CFAP74: variants seen among roughly 807,000 people sequenced by gnomAD.
CFAP74 encodes cilia- and flagella-associated protein 74.
In CFAP74, 124 loss-of-function variants were observed where a neutral mutation model predicts 188.9. The observed-to-expected ratio is 0.66, with a 90% CI of 0.57 to 0.76. The LOEUF is 0.76. Ranked by LOEUF, CFAP74 falls within the 30% of genes least tolerant of loss-of-function variation. CFAP74 has a pLI of 0.00. For missense variants in CFAP74, 2,198 were observed against 2,165.2 expected, an observed-to-expected ratio of 1.02 and a Z score of -0.30; for synonymous variants, 956 against 916.7, an observed-to-expected ratio of 1.04 and a Z score of -0.77.
chr1:1,953,763 G>A (rs1376748222), intron 18 of CFAP74: 3 of 153,564 alleles, frequency 2.0e-5, no homozygotes, highest in Non-Finnish European at 4.4e-5. Context: ...ACACAAAAGC[G>A]ATGTCCTATG....
rs534813419 is a variant in CFAP74 at position 1,991,474 on chromosome 1, A to G, written c.-19-499T>C. ...CAACATTAGCTGGGTGTGGTGGCGC[A>G]TGCCTATAATCCCAGCTACTCAGGA... On this transcript the variant is annotated intron_variant, in intron 1 of 38. Coordinates refer to ENST00000682832, the MANE Select transcript of CFAP74 (RefSeq NM_001304360.2). Among the ~76,000 whole-genome samples the G allele has an allele frequency of 1.6e-4, 25 of 152,250 alleles. No individual in the cohort carries two copies. In the South Asian group the frequency reaches 2.9e-3, roughly 18 times the overall value.
chr1:1,988,822 A>ACCCCCC (rs1269513983), intron 3 of CFAP74, 67 bp downstream of exon 3: 11 of 162,422 alleles, frequency 6.8e-5, no homozygotes, highest in Middle Eastern at 2.0e-3. Flanking sequence ...CCCTTCACCC[A>ACCCCCC]CCCCCCCACC....
At chr1:1,990,246 C>T (rs1657488753) in intron 2 of CFAP74, among the ~76,000 whole-genome samples, 1 of 152,136 alleles carries the variant, frequency 6.6e-6, no homozygotes, top group African/African-American at 2.4e-5. Flanking sequence ...CTGAAGGTCA[C>T]TATCTCAGAA....
chr1:1,941,115 A>G (rs557459607), intron 22 of CFAP74, among the ~76,000 whole-genome samples: 1 of 152,170 alleles, frequency 6.6e-6, no homozygotes, highest in African/African-American at 2.4e-5. Flanking sequence ...TCTGTCTCAA[A>G]AAAGAAAGAA....
chr1:1,977,208 G>A (rs145621351), intron 6 of CFAP74, among the ~76,000 whole-genome samples: 4 of 152,262 alleles, frequency 2.6e-5, no homozygotes, highest in Admixed American at 6.5e-5. Flanking sequence ...AAAGACTGAC[G>A]AACAATAGCG....
At chr1:1,976,100 C>T (rs910095508) in intron 6 of CFAP74, among the ~76,000 whole-genome samples, 1 of 152,226 alleles carries the variant, frequency 6.6e-6, no homozygotes, top group Admixed American at 6.5e-5. Flanking sequence ...CAGAAAGGCT[C>T]CCTCAAGCCC....
chr1:1,976,544 C>T (rs532716337), intron 6 of CFAP74, among the ~76,000 whole-genome samples: 1 of 152,158 alleles, frequency 6.6e-6, no homozygotes, highest in African/African-American at 2.4e-5. Context: ...CTCTTTTCTT[C>T]TTATTTTTAT....
intron 9 of CFAP74, among the ~76,000 whole-genome samples, chr1:1,971,323 TTGCACACCTGCACACACGTGCACACACA>T (rs1656034946): frequency 9.3e-6 from 1 of 107,172 alleles, no homozygotes; most frequent in Non-Finnish European, 1.9e-5. Flanking sequence ...CTGCAGACAC[TTGCACACCTGCACACACGTGCACACACA>T]TGCACACCTG....
intron 4 of CFAP74, chr1:1,988,216 A>AACACAC (rs1657360235): frequency 3.3e-6 from 2 of 602,442 alleles, no homozygotes; most frequent in South Asian, 3.1e-5. Flanking sequence ...ATAAAATACA[A>AACACAC]ACACACACAA....
chr1:1,959,717 C>G (rs28446828), intron 15 of CFAP74, among the ~76,000 whole-genome samples: 1 of 152,112 alleles, frequency 6.6e-6, no homozygotes, highest in Non-Finnish European at 1.5e-5. Flanking sequence ...CCAGCCCTCC[C>G]GACTTAGACC....
intron 14 of CFAP74, among the ~76,000 whole-genome samples, chr1:1,962,012 G>A (rs932456098): frequency 3.3e-5 from 5 of 152,124 alleles, no homozygotes; most frequent in Non-Finnish European, 5.9e-5. Context: ...GGGGAATGAG[G>A]ATCCTGCCCT....
Position 1,926,978 on chromosome 1 carries a change from G to T in CFAP74, c.3578C>A (p.Ala1193Glu). Reference sequence around the variant, plus strand: ...GGGAACTACAAATGTGTCAAACTTCGCCTGGAACGCTCTGAGCAGGGTGGC... The same window carrying T: ...GGGAACTACAAATGTGTCAAACTTCTCCTGGAACGCTCTGAGCAGGGTGGC... Reference protein sequence around the residue: ...ARATLLRAFQAKFDTFVVPCV... With the variant: ...ARATLLRAFQEKFDTFVVPCV... Residue 1193 changes from alanine to glutamate, a missense_variant, in exon 29 of 39, where the codon GCG becomes GAG. Ala to Glu is a moderately radical substitution (Grantham distance 107, BLOSUM62 -1). Coordinates refer to ENST00000682832, the MANE Select transcript of CFAP74 (RefSeq NM_001304360.2). The T allele has an allele frequency of 7.7e-6, 12 of 1,550,244 alleles. No homozygotes were observed. The highest frequency in any genetic ancestry group is 2.4e-5 in the South Asian group (2 of 84,060).
chr1:1,968,917 C>T lies in CFAP74; in HGVS notation c.1047-84G>A. 3 of 1,282,248 alleles carry T rather than the reference C, an allele frequency of 2.3e-6. No individual in the cohort carries two copies. Among genetic ancestry groups the T allele is most frequent in the Non-Finnish European group, 3.3e-6 (3 of 910,750 alleles). The allele number at this position is 1,282,248 out of a possible 1,614,324, so 79.4% of individuals were successfully genotyped here. The stretch of plus-strand genomic sequence containing the variant: ...GATGAGACAGTGCCCGGCGGCCCCT[C>T]CCTAGCGCCCTCCTGGGGGCTCCGG... On this transcript the variant is annotated intron_variant, in intron 10 of 38. Coordinates refer to ENST00000682832, the MANE Select transcript of CFAP74 (RefSeq NM_001304360.2). This position sits in a 1 kb window ranked among gnomAD's most constrained non-coding sequence, Gnocchi z 4.3.
At position 1,922,035 on chromosome 1, in the gene CFAP74, G is replaced by A; in HGVS notation, c.*252C>T. ...GGGGGCTCTGAGGGGGTCTGGCTAG[G>A]ATGGCTGAGGGCTGGCCTGGCCTTC... On this transcript the variant is annotated 3_prime_UTR_variant, in exon 39 of 39. Transcript: ENST00000682832. The A allele has an allele frequency of 1.9e-6, 1 of 515,352 alleles. No homozygotes were observed. The highest frequency in any genetic ancestry group is 3.4e-6 in the Non-Finnish European group (1 of 290,350). 31.9% of individuals were successfully genotyped at this position (515,352 alleles called of 1,614,324 possible).
rs75297543 is a variant in CFAP74 at position 1,959,165 on chromosome 1, C to T, written c.1806G>A (p.Thr602=). 2,439 of 1,613,176 alleles carry T rather than the reference C, an allele frequency of 1.5e-3. 18 individuals carry two copies. The African/African-American group carries it at 0.021, about 14-fold the overall frequency. Residue 602 remains threonine, a synonymous_variant, in exon 16 of 39, where the codon ACG becomes ACA. Coordinates refer to ENST00000682832, the MANE Select transcript of CFAP74 (RefSeq NM_001304360.2). ...LEGNISFLAQ[T]GEFSVPLKCS... Reference sequence around the variant, plus strand: ...ATTTCAGTGGAACTGAAAACTCGCCCGTCTGAGCCAAAAATGAGATATTTC... The same window carrying T: ...ATTTCAGTGGAACTGAAAACTCGCCTGTCTGAGCCAAAAATGAGATATTTC...
chr1:1,923,896 C>G lies in CFAP74; in HGVS notation c.4268G>C (p.Ser1423Thr). ...CATGACGCCCTTGACGGGGGCCACG[C>G]TGAACACGCTCTGACCGTTGAGATT... ...TQNLNGQSVFSVAPVKGVMDP... is the reference protein window; with the variant it reads ...TQNLNGQSVFTVAPVKGVMDP... The change falls in exon 35 of 39, where the codon AGC becomes ACC. Residue 1423 changes from serine (S) to threonine (T), a missense_variant. Ser to Thr is a moderately conservative substitution (Grantham distance 58). Coordinates refer to ENST00000682832, the MANE Select transcript of CFAP74 (RefSeq NM_001304360.2). The surrounding 1 kb of genome is among the most constrained non-coding windows in gnomAD (Gnocchi z 6.3). 2 of 1,612,780 alleles carry G rather than the reference C, an allele frequency of 1.2e-6. No individual in the cohort carries two copies. The highest frequency in any genetic ancestry group is 8.5e-7 in the Non-Finnish European group (1 of 1,179,630).
rs1656354580 is a variant in CFAP74 at position 1,975,096 on chromosome 1, G to A, written c.501-898C>T. On this transcript the variant is annotated intron_variant, in intron 6 of 38. Coordinates refer to ENST00000682832, the MANE Select transcript of CFAP74 (RefSeq NM_001304360.2). This position sits in a 1 kb window ranked among gnomAD's most constrained non-coding sequence, Gnocchi z 4.5. ...CCTCACTGCATTGCTGACATTCCAC[G>A]TGACGTGTGCCACAGCTCTGTCCTA... 1.3e-5 allele frequency among the ~76,000 whole-genome samples: 2 copies of A among 152,216 alleles called. No individual in the cohort carries two copies. The highest frequency in any genetic ancestry group is 2.1e-4 in the South Asian group (1 of 4,830).
chr1:1,926,602 G>C (rs1651919972), intron 30 of CFAP74, 50 bp downstream of exon 30: 1 of 1,545,312 alleles, frequency 6.5e-7, no homozygotes. Context: ...GGGAGGCGTG[G>C]GTGTGCCTGG....
At chr1:1,926,045 G>GA in intron 32 of CFAP74, 107 bp from the exon 33 acceptor site, 1 of 1,406,260 alleles carries the variant, frequency 7.1e-7, no homozygotes, top group Non-Finnish European at 9.5e-7. Context: ...AGACAGCTCT[G>GA]GGGGGGCTCT....
Sources: allele counts gnomAD v4.1 joint callset (sites outside exome capture counted in the v4.1 genomes callset), GRCh38; gene constraint gnomAD v4.1.1; non-coding constraint Gnocchi (gnomAD v3.1); transcripts MANE v1.5; gene names NCBI Gene and HGNC (gene_info 2026-07-23, HGNC 2026-07-21).